Variants in NDST4 observed in about 807,000 individuals in gnomAD.
NDST4 encodes the protein N-heparan sulfate sulfotransferase 4.
Under a neutral mutation model 100.8 loss-of-function variants are expected in NDST4, and 63 were observed. The observed-to-expected ratio is 0.62, with a 90% CI of 0.51 to 0.77. NDST4 has a LOEUF of 0.77. Ranked by LOEUF, NDST4 falls within the 30% of genes least tolerant of loss-of-function variation. The pLI, the probability that NDST4 is intolerant of heterozygous loss-of-function variation, is 0.00. For synonymous variants in NDST4, 377 were observed against 361.8 expected (o/e 1.04, Z -0.48); for missense variants, 943 against 1,018.4 (o/e 0.93, Z 1.01).
Position 115,076,458 on chromosome 4 carries a change from A to G in NDST4, c.579T>C (p.Cys193=). The change falls in exon 2 of 14, where the codon TGT becomes TGC. Residue 193 remains cysteine (C), a synonymous_variant. Coordinates refer to ENST00000264363, the MANE Select transcript of NDST4 (RefSeq NM_022569.3). The part of the protein sequence containing the change: ...NLFNNLALKD[C]FVNPQSPLLH... Reference sequence around the variant, plus strand: ...GCAAAGGAGATTGAGGGTTAACAAAACAGTCCTTTAGAGCTAGATTATTGA... The same window carrying G: ...GCAAAGGAGATTGAGGGTTAACAAAGCAGTCCTTTAGAGCTAGATTATTGA... 2 of 1,613,944 alleles carry G rather than the reference A, an allele frequency of 1.2e-6. No individual in the cohort carries two copies. Among genetic ancestry groups the G allele is most frequent in the African/African-American group, 1.3e-5 (1 of 75,028 alleles).
intron 2 of NDST4, among the ~76,000 whole-genome samples, chr4:115,004,817 T>C (rs2620422): frequency 0.34 from 52,185 of 152,024 alleles, 9,087 homozygotes; most frequent in Middle Eastern, 0.49. Flanking sequence ...TCCTAAATTT[T>C]TAATAGGAGA....
Position 115,076,640 on chromosome 4 carries a change from A to G in NDST4, c.397T>C (p.Tyr133His), listed in dbSNP as rs947979143. The stretch of plus-strand genomic sequence containing the variant: ...CTGACATACTTCAGAATATTTTCAT[A>G]AATAACTAAAGTATATTTCCCTTTG... ...NGKGKYTLVI[Y>H]ENILKYVSMD... Residue 133 changes from tyrosine to histidine, a missense_variant, in exon 2 of 14, where the codon TAT becomes CAT. By Grantham distance (83) the Tyr-to-His change is moderately conservative. Around this residue, in one of 2 missense-constraint regions of NDST4, gnomAD observed 417 missense variants for 384.2 expected, o/e 1.09. Coordinates refer to ENST00000264363, the MANE Select transcript of NDST4 (RefSeq NM_022569.3). 5.0e-6 allele frequency: 8 copies of G among 1,613,770 alleles called. No individual in the cohort carries two copies. The highest frequency in any genetic ancestry group is 6.8e-6 in the Non-Finnish European group (8 of 1,179,906).
intron 4 of NDST4, among the ~76,000 whole-genome samples, chr4:114,951,470 A>G (rs1432457218): frequency 6.6e-6 from 1 of 152,094 alleles, no homozygotes; most frequent in Non-Finnish European, 1.5e-5. Context: ...TAATGATAGC[A>G]TGCTTCTTGA....
chr4:115,066,116 A>G (rs1392015095), intron 2 of NDST4, among the ~76,000 whole-genome samples: 2 of 152,214 alleles, frequency 1.3e-5, no homozygotes, highest in African/African-American at 2.4e-5. Flanking sequence ...CTTGTAATGC[A>G]GATAACTGTG....
At chr4:114,901,512 T>C (rs1346038621) in intron 6 of NDST4, among the ~76,000 whole-genome samples, 1 of 152,052 alleles carries the variant, frequency 6.6e-6, no homozygotes, top group Non-Finnish European at 1.5e-5. Context: ...TTTTAATCTA[T>C]ATGCGTCTTT....
intron 1 of NDST4, among the ~76,000 whole-genome samples, chr4:115,090,126 T>A (rs1240700135): frequency 6.6e-6 from 1 of 151,810 alleles, no homozygotes; most frequent in Non-Finnish European, 1.5e-5. Context: ...TAATTTTTTA[T>A]GTTATTTTTA....
chr4:114,951,987 TTAAC>T (rs1725999528), intron 4 of NDST4, among the ~76,000 whole-genome samples: 2 of 152,202 alleles, frequency 1.3e-5, no homozygotes, highest in African/African-American at 4.8e-5. Context: ...CCCAAGTACA[TTAAC>T]TAGTTATCAG....
chr4:114,983,787 C>T (rs931817619), intron 2 of NDST4, among the ~76,000 whole-genome samples: 2 of 152,082 alleles, frequency 1.3e-5, no homozygotes, highest in Non-Finnish European at 2.9e-5. Context: ...TGTGTCCCCA[C>T]CCAAATCTCA....
chr4:115,066,624 A>G (rs2126285676), intron 2 of NDST4, among the ~76,000 whole-genome samples: 1 of 152,310 alleles, frequency 6.6e-6, no homozygotes, highest in East Asian at 1.9e-4. Context: ...CTTTGTTTAC[A>G]TGGAATATAA....
intron 6 of NDST4, among the ~76,000 whole-genome samples, chr4:114,929,562 G>T (rs1439096377): frequency 6.6e-6 from 1 of 152,104 alleles, no homozygotes; most frequent in African/African-American, 2.4e-5. Context: ...AGCAAGTATA[G>T]TTTGTGACTG....
intron 2 of NDST4, among the ~76,000 whole-genome samples, chr4:115,016,986 C>T (rs1160440843): frequency 6.7e-6 from 1 of 148,188 alleles, no homozygotes; most frequent in Non-Finnish European, 1.5e-5. Flanking sequence ...TTTGAGTGTT[C>T]ATGTGTGTAT....
intron 6 of NDST4, among the ~76,000 whole-genome samples, chr4:114,929,041 T>C (rs114611931): frequency 0.038 from 4,599 of 121,312 alleles, 176 homozygotes; most frequent in African/African-American, 0.068. Flanking sequence ...TCTGTCTGTC[T>C]GTCCGTCCGT....
At chr4:115,013,340 A>G (rs6858653) in intron 2 of NDST4, among the ~76,000 whole-genome samples, 7,828 of 39,080 alleles carry the variant, frequency 0.2, 775 homozygotes, top group African/African-American at 0.36. Flanking sequence ...ATAAAAATAT[A>G]AATACCATAT....
intron 12 of NDST4, among the ~76,000 whole-genome samples, chr4:114,831,824 T>C (rs1339441278): frequency 6.6e-6 from 1 of 152,252 alleles, no homozygotes; most frequent in African/African-American, 2.4e-5. Flanking sequence ...AGGACATTTA[T>C]CCTCTCTAAG....
intron 2 of NDST4, among the ~76,000 whole-genome samples, chr4:114,998,576 C>T (rs1271627242): frequency 2.0e-5 from 3 of 152,000 alleles, no homozygotes; most frequent in African/African-American, 7.2e-5. Flanking sequence ...AGTCTCATAC[C>T]ATAAGTGCTA....
At chr4:115,034,108 CCTT>C (rs1728180982) in intron 2 of NDST4, among the ~76,000 whole-genome samples, 1 of 152,246 alleles carries the variant, frequency 6.6e-6, no homozygotes, top group Admixed American at 6.5e-5. Context: ...CAAAAATCCT[CCTT>C]CTTATGGGGA....
chr4:115,103,064 AT>A (rs1478305901), intron 1 of NDST4, among the ~76,000 whole-genome samples: 1 of 151,988 alleles, frequency 6.6e-6, no homozygotes, highest in Admixed American at 6.6e-5. Flanking sequence ...CTGTCCAAAA[AT>A]TTGGATCATT....
chr4:114,896,419 T>C (rs1724713564), intron 6 of NDST4, among the ~76,000 whole-genome samples: 1 of 151,882 alleles, frequency 6.6e-6, no homozygotes, highest in South Asian at 2.1e-4. Flanking sequence ...GTCAAGAGAT[T>C]GAGACCATCC....
At chr4:115,062,619 A>G (rs1461542064) in intron 2 of NDST4, among the ~76,000 whole-genome samples, 1 of 151,792 alleles carries the variant, frequency 6.6e-6, no homozygotes, top group African/African-American at 2.4e-5. Context: ...CAGACTATCT[A>G]AAGAACTTTA....
Sources: gnomAD v4.1 joint callset for allele counts (sites outside exome capture counted in the v4.1 genomes callset) on GRCh38, gnomAD v4.1.1 for gene constraint, gnomAD v4.1.1 regional missense constraint, MANE v1.5 for transcripts, NCBI Gene and HGNC (gene_info 2026-07-23, HGNC 2026-07-21) for gene names.